NPAS3: variants seen among roughly 807,000 people sequenced by gnomAD.
NPAS3 encodes neuronal PAS domain protein 3, also known as neuronal PAS domain-containing protein 3.
In NPAS3, 14 loss-of-function variants were observed where a neutral mutation model predicts 73.1. That is an observed-to-expected ratio of 0.19 (90% CI 0.13 to 0.30). The LOEUF (loss-of-function observed/expected upper bound fraction) is 0.30, where lower values mean the gene tolerates loss of function less well. Among genes scored for constraint, NPAS3 ranks in the 10% least tolerant of loss-of-function variants. The pLI is 1.00. For missense variants in NPAS3, 1,096 were observed against 1,250.0 expected (o/e 0.88, Z 1.86); for synonymous variants, 620 against 541.5 (o/e 1.14, Z -2.01).
chr14:33,373,425 T>A (rs1204909330), intron 4 of NPAS3, among the ~76,000 whole-genome samples: 1 of 151,412 alleles, frequency 6.6e-6, no homozygotes, highest in Non-Finnish European at 1.5e-5. Flanking sequence ...TGTGTGTTAC[T>A]AACTTTGTAA....
chr14:32,969,041 T>C (rs984667237), intron 1 of NPAS3, among the ~76,000 whole-genome samples: 2 of 152,164 alleles, frequency 1.3e-5, no homozygotes, highest in African/African-American at 2.4e-5. Context: ...GTTTTTTTGT[T>C]CCTGCGTTAG....
intron 3 of NPAS3, among the ~76,000 whole-genome samples, chr14:33,222,240 C>T (rs1164393310): frequency 6.6e-6 from 1 of 152,068 alleles, no homozygotes; most frequent in Admixed American, 6.5e-5. Context: ...GATTTTATGG[C>T]TTGCTTTGGG....
intron 11 of NPAS3, 137 bp from the exon 12 acceptor site, chr14:33,799,597 C>T (rs2063619255): frequency 2.4e-6 from 2 of 821,198 alleles, no homozygotes; most frequent in Non-Finnish European, 1.9e-6. Context: ...GATGGAGAAG[C>T]CCGTGATGAG....
chr14:33,331,040 T>TGGTATAG (rs1300726866), intron 3 of NPAS3, among the ~76,000 whole-genome samples: 1 of 152,198 alleles, frequency 6.6e-6, no homozygotes, highest in African/African-American at 2.4e-5. Flanking sequence ...AGATAAAACA[T>TGGTATAG]TCCTCAAACT....
At position 33,543,674 on chromosome 14, in the gene NPAS3, G is replaced by A. The variant is rs555926382; in HGVS notation, c.469-16447G>A. ...CAAGTCCAGCCACCTCCTCTAGGTT[G>A]GCTTCATCTCAATCAGAGAGGACAA... On this transcript the variant is annotated intron_variant, in intron 4 of 11. Coordinates refer to ENST00000356141, the Ensembl canonical transcript of NPAS3. 3.3e-5 allele frequency among the ~76,000 whole-genome samples: 5 copies of A among 152,196 alleles called. No individual in the cohort carries two copies. In the East Asian group the frequency reaches 9.7e-4, roughly 30 times the overall value.
At chr14:33,505,944 C>T (rs1337903636) in intron 4 of NPAS3, among the ~76,000 whole-genome samples, 1 of 151,946 alleles carries the variant, frequency 6.6e-6, no homozygotes, top group Admixed American at 6.6e-5. Flanking sequence ...ACTTTTACAT[C>T]GCCTTTCTTT....
intron 7 of NPAS3, among the ~76,000 whole-genome samples, chr14:33,754,605 T>TCATCCC (rs1680031562): frequency 6.6e-6 from 1 of 152,188 alleles, no homozygotes; most frequent in Non-Finnish European, 1.5e-5. Flanking sequence ...ATCTGCATCC[T>TCATCCC]CATCCCCATC....
At chr14:33,499,284 A>T (rs1031918809) in intron 4 of NPAS3, among the ~76,000 whole-genome samples, 4 of 151,898 alleles carry the variant, frequency 2.6e-5, no homozygotes, top group African/African-American at 9.7e-5. Flanking sequence ...CTAGGAAAAT[A>T]AAATATTAAA....
At chr14:32,973,533 A>ATT (rs71432099) in intron 1 of NPAS3, among the ~76,000 whole-genome samples, 1,827 of 128,898 alleles carry the variant, frequency 0.014, 27 homozygotes, top group African/African-American at 0.026. Context: ...GTATATTTTG[A>ATT]TTTTTTTTTT....
At chr14:32,947,267 A>G (rs1240148190) in intron 1 of NPAS3, among the ~76,000 whole-genome samples, 1 of 152,158 alleles carries the variant, frequency 6.6e-6, no homozygotes, top group Admixed American at 6.6e-5. Flanking sequence ...GCGGAAAAGG[A>G]TGCTAGCTCT....
At chr14:33,684,228 T>G (rs79337829) in intron 6 of NPAS3, among the ~76,000 whole-genome samples, 223 of 11,832 alleles carry the variant, frequency 0.019, no homozygotes, top group African/African-American at 0.095. Context: ...GTGCTGTGGG[T>G]TTTTTTTTTT....
chr14:33,409,459 A>G (rs1050185239), intron 4 of NPAS3, among the ~76,000 whole-genome samples: 2 of 152,188 alleles, frequency 1.3e-5, no homozygotes, highest in African/African-American at 4.8e-5. Context: ...TAGAATTTTA[A>G]TTGTCATTAC....
intron 4 of NPAS3, among the ~76,000 whole-genome samples, chr14:33,524,501 C>G (rs2053703012): frequency 1.3e-5 from 2 of 152,140 alleles, no homozygotes; most frequent in South Asian, 4.2e-4. Context: ...TCCAGTTAAT[C>G]AATAATCTGC....
chr14:33,125,202 A>G (rs2043381926), intron 2 of NPAS3, among the ~76,000 whole-genome samples: 1 of 152,124 alleles, frequency 6.6e-6, no homozygotes, highest in Admixed American at 6.6e-5. Flanking sequence ...AATGAAGGAA[A>G]TTAATGGATT....
chr14:33,405,995 C>A (rs963948074), intron 4 of NPAS3, among the ~76,000 whole-genome samples: 39 of 152,062 alleles, frequency 2.6e-4, no homozygotes, highest in African/African-American at 9.2e-4. Context: ...GGAACAAGAA[C>A]AAGAGATCTC....
chr14:33,492,298 T>TA (rs538347623), intron 4 of NPAS3, among the ~76,000 whole-genome samples: 30 of 152,026 alleles, frequency 2.0e-4, no homozygotes, highest in East Asian at 5.8e-4. Flanking sequence ...GGCACATCTG[T>TA]AAAAAAAAGA....
At chr14:32,997,795 T>TCCTTG (rs1193909198) in intron 1 of NPAS3, among the ~76,000 whole-genome samples, 4 of 149,952 alleles carry the variant, frequency 2.7e-5, no homozygotes, top group African/African-American at 9.8e-5. Context: ...GACTTGCTCC[T>TCCTTG]CCTTGCCTTC....
chr14:33,240,180 A>G (rs2048170037), intron 3 of NPAS3, among the ~76,000 whole-genome samples: 1 of 151,840 alleles, frequency 6.6e-6, no homozygotes, highest in Non-Finnish European at 1.5e-5. Context: ...AATATATAAG[A>G]TTTCTAAAAT....
chr14:33,197,789 CTGTAATCTCTTA>C (rs1390601059), intron 2 of NPAS3, among the ~76,000 whole-genome samples: 7 of 152,222 alleles, frequency 4.6e-5, no homozygotes, highest in African/African-American at 1.4e-4. Flanking sequence ...AATCCTTTCT[CTGTAATCTCTTA>C]TGTGTTCTCT....
Sources: allele counts gnomAD v4.1 joint callset (sites outside exome capture counted in the v4.1 genomes callset), GRCh38; gene constraint gnomAD v4.1.1; transcripts MANE v1.5; gene names NCBI Gene and HGNC (gene_info 2026-07-23, HGNC 2026-07-21).